NBAS: variants seen among roughly 807,000 people sequenced by gnomAD.
The protein encoded by NBAS is NBAS subunit of NRZ tethering complex, also known as NAG/BC035112 fusion.
In NBAS, 219 loss-of-function variants were observed where a neutral mutation model predicts 302.5. That is an observed-to-expected ratio of 0.72 (90% confidence interval 0.65 to 0.81). The LOEUF (loss-of-function observed/expected upper bound fraction) is 0.81. NBAS is among the 30% of genes least tolerant of loss of function. The pLI is 0.00. For synonymous variants in NBAS, 1,118 were observed against 1,021.6 expected, an observed-to-expected ratio of 1.09 and a Z score of -1.80; for missense variants, 2,932 against 2,841.6, an observed-to-expected ratio of 1.03 and a Z score of -0.72.
the NBAS span, among the ~76,000 whole-genome samples, chr2:14,886,124 C>T: frequency 6.6e-6 from 1 of 152,144 alleles, no homozygotes; most frequent in African/African-American, 2.4e-5. Flanking sequence ...ACGCTTGGCT[C>T]TCATTGCCCT....
the NBAS span, among the ~76,000 whole-genome samples, chr2:15,050,257 C>A: frequency 6.6e-6 from 1 of 152,044 alleles, no homozygotes; most frequent in Non-Finnish European, 1.5e-5. Flanking sequence ...TAAATTTTTT[C>A]TTTCTTTTAT....
At chr2:14,793,153 T>A in the NBAS span, among the ~76,000 whole-genome samples, 1 of 151,918 alleles carries the variant, frequency 6.6e-6, no homozygotes, top group Non-Finnish European at 1.5e-5. Flanking sequence ...GAAGAAAGGA[T>A]TCACCAGAAA....
chr2:14,803,612 C>T, the NBAS span, among the ~76,000 whole-genome samples: 2 of 151,942 alleles, frequency 1.3e-5, no homozygotes. Flanking sequence ...AATCATTGTT[C>T]GTGTTTGTGT....
the NBAS span, among the ~76,000 whole-genome samples, chr2:15,000,932 C>T: frequency 6.6e-6 from 1 of 152,118 alleles, no homozygotes; most frequent in East Asian, 1.9e-4. Context: ...GACAAAGTAA[C>T]TAAGGTGCAG....
intron 25 of NBAS, among the ~76,000 whole-genome samples, chr2:15,402,525 A>G (rs989259804): frequency 1.3e-5 from 2 of 152,092 alleles, no homozygotes; most frequent in African/African-American, 2.4e-5. Context: ...CCCATAAGCT[A>G]TGTATCAGCT....
chr2:14,786,587 G>A, the NBAS span, among the ~76,000 whole-genome samples: 4 of 152,274 alleles, frequency 2.6e-5, no homozygotes, highest in South Asian at 8.3e-4. Flanking sequence ...GTACCCAGTA[G>A]TCATTCAGGA....
At chr2:15,410,231 T>C (rs1040613740) in intron 25 of NBAS, among the ~76,000 whole-genome samples, 2 of 152,226 alleles carry the variant, frequency 1.3e-5, no homozygotes, top group African/African-American at 4.8e-5. Flanking sequence ...ATCTTTAATT[T>C]TAAATGAGTA....
chr2:15,420,169 A>G (rs1193841488), intron 23 of NBAS, among the ~76,000 whole-genome samples: 1 of 152,218 alleles, frequency 6.6e-6, no homozygotes, highest in Non-Finnish European at 1.5e-5. Context: ...CATGAGCCCT[A>G]GGAGAAGAGT....
chr2:14,911,177 A>C, the NBAS span, among the ~76,000 whole-genome samples: 2 of 152,190 alleles, frequency 1.3e-5, no homozygotes, highest in Non-Finnish European at 2.9e-5. Context: ...TGAACCATCT[A>C]CCAGCTTTTC....
At chr2:15,342,816 G>A (rs532646738) in intron 35 of NBAS, among the ~76,000 whole-genome samples, 5 of 151,716 alleles carry the variant, frequency 3.3e-5, no homozygotes, top group South Asian at 2.1e-4. Flanking sequence ...ATAGTGTGCC[G>A]GATAATGTCA....
the NBAS span, among the ~76,000 whole-genome samples, chr2:15,111,626 T>C: frequency 1.3e-5 from 2 of 151,944 alleles, no homozygotes; most frequent in African/African-American, 4.8e-5. Context: ...AATCTCAGAA[T>C]TAATGAGCCA....
chr2:15,136,837 T>A, the NBAS span, among the ~76,000 whole-genome samples: 1 of 152,196 alleles, frequency 6.6e-6, no homozygotes, highest in Non-Finnish European at 1.5e-5. Flanking sequence ...GGTTTAAAAG[T>A]GTGCGGCAGT....
At chr2:15,551,689 G>A (rs1331186677) in intron 5 of NBAS, among the ~76,000 whole-genome samples, 153 bp from the exon 6 acceptor site, 1 of 152,064 alleles carries the variant, frequency 6.6e-6, no homozygotes, top group Non-Finnish European at 1.5e-5. Flanking sequence ...TGACCCTTTT[G>A]TCAGTGACAA....
At chr2:14,781,714 T>C in the NBAS span, among the ~76,000 whole-genome samples, 3 of 146,672 alleles carry the variant, frequency 2.0e-5, no homozygotes, top group African/African-American at 7.6e-5. Context: ...AGCACTCTCA[T>C]GTTAAGGATC....
At chr2:15,338,787 G>A (rs1672716517) in intron 35 of NBAS, among the ~76,000 whole-genome samples, 1 of 151,872 alleles carries the variant, frequency 6.6e-6, no homozygotes, top group Non-Finnish European at 1.5e-5. Flanking sequence ...AAGCAGGAGG[G>A]TCACTTGAGG....
chr2:14,837,785 T>C, the NBAS span, among the ~76,000 whole-genome samples: 5 of 151,808 alleles, frequency 3.3e-5, no homozygotes, highest in African/African-American at 7.2e-5. Context: ...ATTATCCCCC[T>C]ATTTACCATA....
At chr2:15,197,366 TG>T (rs1312463345) in intron 48 of NBAS, among the ~76,000 whole-genome samples, 10 of 152,340 alleles carry the variant, frequency 6.6e-5, no homozygotes, top group African/African-American at 2.4e-4. Context: ...CTATGTAACC[TG>T]GTGCAAACAG....
intron 50 of NBAS, chr2:15,180,190 A>T (rs1367146694): frequency 1.3e-5 from 2 of 152,240 alleles, no homozygotes; most frequent in African/African-American, 4.8e-5. Context: ...GTAAGCTCGC[A>T]TTTAAACTCA....
At chr2:15,495,790 T>C (rs889114185) in intron 11 of NBAS, among the ~76,000 whole-genome samples, 2 of 152,056 alleles carry the variant, frequency 1.3e-5, no homozygotes, top group African/African-American at 4.8e-5. Context: ...TAATAACAAG[T>C]GTTGGCATGG....
Sources: gnomAD v4.1 joint callset for allele counts (sites outside exome capture counted in the v4.1 genomes callset) on GRCh38, gnomAD v4.1.1 for gene constraint, MANE v1.5 for transcripts, NCBI Gene and HGNC (gene_info 2026-07-23, HGNC 2026-07-21) for gene names.